LHCGR: variants seen among roughly 807,000 people sequenced by gnomAD.
LHCGR encodes lutropin-choriogonadotropic hormone receptor.
In LHCGR, 55 loss-of-function variants were observed where a neutral mutation model predicts 60.7. That is an observed-to-expected ratio of 0.91 (90% CI 0.73 to 1.13). The LOEUF is 1.13. Ranked by LOEUF, LHCGR falls within the 50% of genes most tolerant of loss-of-function variation. The pLI, the probability that LHCGR is intolerant of heterozygous loss-of-function variation, is 0.00. For missense variants in LHCGR, 862 were observed against 836.0 expected (o/e 1.03, Z -0.38); for synonymous variants, 337 against 316.5 (o/e 1.06, Z -0.69).
chr2:48,752,997 T>G (rs960537848), intron 1 of LHCGR, among the ~76,000 whole-genome samples: 4,226 of 17,566 alleles, frequency 0.24, 24 homozygotes, highest in Non-Finnish European at 0.26. Context: ...GGGGGGGGGG[T>G]GGGGAAGGGA....
chr2:48,703,452 AG>A (rs1470531599), intron 8 of LHCGR, among the ~76,000 whole-genome samples: 3 of 152,088 alleles, frequency 2.0e-5, no homozygotes, highest in Non-Finnish European at 4.4e-5. Context: ...TTTTTGTATA[AG>A]GGTTTAAGGA....
chr2:48,723,800 A>G (rs977211135), intron 4 of LHCGR, 104 bp from the exon 5 acceptor site: 12 of 828,344 alleles, frequency 1.4e-5, no homozygotes, highest in Admixed American at 9.3e-5. Context: ...TTGCAAATAC[A>G]ACTTTCACAT....
At chr2:48,754,516 T>C (rs1670118676) in intron 1 of LHCGR, among the ~76,000 whole-genome samples, 1 of 152,110 alleles carries the variant, frequency 6.6e-6, no homozygotes, top group South Asian at 2.1e-4. Flanking sequence ...CACTATAGAA[T>C]TTAAAGTGGA....
At chr2:48,698,103 C>G (rs2104390620) in intron 9 of LHCGR, among the ~76,000 whole-genome samples, 1 of 152,312 alleles carries the variant, frequency 6.6e-6, no homozygotes, top group Non-Finnish European at 1.5e-5. Context: ...CCTTCCCTTC[C>G]TGTTCCCATG....
chr2:48,737,456 A>T (rs1261081626), intron 1 of LHCGR, among the ~76,000 whole-genome samples: 2 of 152,238 alleles, frequency 1.3e-5, no homozygotes, highest in African/African-American at 4.8e-5. Context: ...TACACTTAAC[A>T]GTGTCTTAAG....
At position 48,728,357 on chromosome 2, in the gene LHCGR, G is replaced by A. The variant is rs551099870; in HGVS notation, c.308+796C>T. Among the ~76,000 whole-genome samples, 18 of 152,260 alleles carry A rather than the reference G, an allele frequency of 1.2e-4. No individual in the cohort carries two copies. The East Asian group carries it at 3.3e-3, about 28-fold the overall frequency. ...ATGCCAAGCACAGAGCTCAAAAAAT[G>A]TTTGATGCTAATACTTTTCCCCTTC... is the stretch of plus-strand genomic sequence containing the variant. On this transcript the variant is annotated intron_variant, in intron 3 of 10. Coordinates refer to ENST00000294954, the MANE Select transcript of LHCGR (RefSeq NM_000233.4).
chr2:48,711,848 G>A (rs945852605), intron 7 of LHCGR, among the ~76,000 whole-genome samples: 11 of 152,032 alleles, frequency 7.2e-5, no homozygotes, highest in Admixed American at 1.3e-4. Context: ...CCAGCCTTCC[G>A]TCCTTCCTGC....
chr2:48,706,702 C>A (rs1667697049), intron 8 of LHCGR, among the ~76,000 whole-genome samples: 2 of 152,118 alleles, frequency 1.3e-5, no homozygotes, highest in Non-Finnish European at 2.9e-5. Flanking sequence ...CTTGTGTATG[C>A]TTCACGAAGT....
chr2:48,700,309 G>T (rs1250614228), intron 8 of LHCGR, among the ~76,000 whole-genome samples: 1 of 152,146 alleles, frequency 6.6e-6, no homozygotes, highest in Non-Finnish European at 1.5e-5. Context: ...CTGATAGTGG[G>T]TTTTCAGTCT....
intron 10 of LHCGR, among the ~76,000 whole-genome samples, chr2:48,693,774 C>T (rs970581607): frequency 6.6e-6 from 1 of 152,206 alleles, no homozygotes; most frequent in Admixed American, 6.5e-5. Context: ...CATTAAGACT[C>T]ATTTTAAGCT....
intron 7 of LHCGR, among the ~76,000 whole-genome samples, chr2:48,710,799 CGTT>C (rs138985534): frequency 1.3e-5 from 2 of 152,314 alleles, no homozygotes; most frequent in East Asian, 1.9e-4. Context: ...ACTTCAGTAT[CGTT>C]GTGTTCTGAA....
intron 9 of LHCGR, among the ~76,000 whole-genome samples, chr2:48,698,093 C>T (rs1478249826): frequency 6.6e-6 from 1 of 152,178 alleles, no homozygotes; most frequent in Non-Finnish European, 1.5e-5. Flanking sequence ...TGCAGGAGCT[C>T]CTTCCCTTCC....
chr2:48,733,295 C>G (rs575388629), intron 1 of LHCGR: 135 of 192,662 alleles, frequency 7.0e-4, no homozygotes, highest in Admixed American at 1.0e-3. Flanking sequence ...AGCAGGCAGC[C>G]TCCTCCTCCA....
At chr2:48,705,970 T>G (rs947643314) in intron 8 of LHCGR, among the ~76,000 whole-genome samples, 3 of 152,224 alleles carry the variant, frequency 2.0e-5, no homozygotes, top group African/African-American at 7.2e-5. Flanking sequence ...TGTTAGTTGA[T>G]GCAGTTTCTT....
At chr2:48,751,276 G>A (rs1043206039) in intron 1 of LHCGR, among the ~76,000 whole-genome samples, 8 of 151,916 alleles carry the variant, frequency 5.3e-5, no homozygotes, top group African/African-American at 1.5e-4. Flanking sequence ...TTTGCACAAC[G>A]TCTGAGTAAT....
chr2:48,719,667 C>A (rs1668418185), intron 6 of LHCGR, among the ~76,000 whole-genome samples: 1 of 152,138 alleles, frequency 6.6e-6, no homozygotes, highest in African/African-American at 2.4e-5. Flanking sequence ...ATAGTTTTAG[C>A]ATTAGCCCCA....
At chr2:48,724,850 C>T (rs567138514) in intron 4 of LHCGR, among the ~76,000 whole-genome samples, 1 of 152,066 alleles carries the variant, frequency 6.6e-6, no homozygotes, top group African/African-American at 2.4e-5. Context: ...TATAGAAGGC[C>T]CCAGAGCAAG....
intron 1 of LHCGR, among the ~76,000 whole-genome samples, chr2:48,746,233 G>A (rs1297279496): frequency 6.6e-6 from 1 of 152,150 alleles, no homozygotes; most frequent in African/African-American, 2.4e-5. Flanking sequence ...TCCATACTTA[G>A]GAATTGATTC....
At chr2:48,691,086 G>C (rs1680208571) in intron 10 of LHCGR, among the ~76,000 whole-genome samples, 1 of 152,088 alleles carries the variant, frequency 6.6e-6, no homozygotes, top group Non-Finnish European at 1.5e-5. Context: ...TGGAGAAATG[G>C]GCATAATTTT....
Sources: allele counts gnomAD v4.1 joint callset (sites outside exome capture counted in the v4.1 genomes callset), GRCh38; gene constraint gnomAD v4.1.1; transcripts MANE v1.5; gene names NCBI Gene and HGNC (gene_info 2026-07-23, HGNC 2026-07-21).